The following PRELID2 variants were observed in gnomAD, a reference collection of about 807,000 sequenced individuals.
PRELID2 encodes PRELI domain containing 2, also known as PRELI domain-containing protein 2.
A neutral mutation model predicts 28.4 loss-of-function variants in PRELID2; 25 were observed. The observed-to-expected ratio is 0.88, with a 90% CI of 0.64 to 1.23. The LOEUF is 1.23. PRELID2 is among the 50% of genes most tolerant of loss of function. PRELID2 has a pLI of 0.00. For synonymous variants in PRELID2, 76 were observed against 71.6 expected, an observed-to-expected ratio of 1.06 and a Z score of -0.31; for missense variants, 201 against 214.4, an observed-to-expected ratio of 0.94 and a Z score of 0.39.
chr5:145,690,291 C>A (rs775424783), intron 1 of PRELID2, among the ~76,000 whole-genome samples: 6 of 152,136 alleles, frequency 3.9e-5, no homozygotes, highest in Non-Finnish European at 8.8e-5. Flanking sequence ...CCGCATCTGG[C>A]GAGGGGATCC....
intron 1 of PRELID2, among the ~76,000 whole-genome samples, chr5:145,600,929 A>C (rs1753386876): frequency 6.6e-6 from 1 of 152,218 alleles, no homozygotes; most frequent in Non-Finnish European, 1.5e-5. Context: ...AGGCAGGAGA[A>C]TCACTTGAGC....
intron 1 of PRELID2, among the ~76,000 whole-genome samples, chr5:145,619,911 G>A (rs925780529): frequency 6.6e-6 from 1 of 152,024 alleles, no homozygotes; most frequent in Non-Finnish European, 1.5e-5. Flanking sequence ...ACCACAATGA[G>A]GTTACAACAT....
At chr5:145,470,449 C>G (rs184648704), downstream of PRELID2, among the ~76,000 whole-genome samples, 33 of 147,128 alleles carry the variant, frequency 2.2e-4, no homozygotes, top group East Asian at 6.0e-3. Flanking sequence ...TACTCTGTAA[C>G]CTGCTAAGCC....
intron 1 of PRELID2, among the ~76,000 whole-genome samples, chr5:145,673,018 T>G (rs1327066977): frequency 6.6e-6 from 1 of 152,090 alleles, no homozygotes; most frequent in Admixed American, 6.6e-5. Context: ...GAGGGATGAA[T>G]AAGACAAAAG....
intron 1 of PRELID2, among the ~76,000 whole-genome samples, chr5:145,517,450 A>G (rs1215721956): frequency 1.3e-5 from 2 of 152,232 alleles, no homozygotes; most frequent in African/African-American, 2.4e-5. Context: ...ATACCATCTC[A>G]TGCCAGTTAA....
chr5:145,469,569 G>A (rs745532264), downstream of PRELID2, among the ~76,000 whole-genome samples: 1 of 152,002 alleles, frequency 6.6e-6, no homozygotes, highest in Non-Finnish European at 1.5e-5. Context: ...CATTAAGCTT[G>A]ATGACTCTAT....
chr5:145,296,274 C>T, the PRELID2 span, among the ~76,000 whole-genome samples: 1 of 151,640 alleles, frequency 6.6e-6, no homozygotes, highest in South Asian at 2.1e-4. Context: ...ATGTGCCATG[C>T]TGGTGTGCTG....
At chr5:145,629,785 A>G (rs568582530) in intron 1 of PRELID2, among the ~76,000 whole-genome samples, 1 of 152,138 alleles carries the variant, frequency 6.6e-6, no homozygotes, top group East Asian at 1.9e-4. Context: ...ATCTTGCACC[A>G]TCCTTTTAAA....
intron 1 of PRELID2, among the ~76,000 whole-genome samples, chr5:145,696,181 T>A (rs970304348): frequency 1.8e-4 from 16 of 86,728 alleles, no homozygotes; most frequent in Admixed American, 5.8e-4. Flanking sequence ...TTTTTTTTTT[T>A]ACCAGTGTTG....
chr5:145,594,945 T>C (rs1459956508), intron 1 of PRELID2, among the ~76,000 whole-genome samples: 1 of 151,952 alleles, frequency 6.6e-6, no homozygotes, highest in South Asian at 2.1e-4. Flanking sequence ...CTGGCCAACA[T>C]GGTGAAACCC....
chr5:145,254,013 A>G, the PRELID2 span, among the ~76,000 whole-genome samples: 1 of 152,078 alleles, frequency 6.6e-6, no homozygotes, highest in Non-Finnish European at 1.5e-5. Context: ...ACACACACAC[A>G]CATACACACA....
chr5:145,634,969 C>A (rs979899688), intron 1 of PRELID2, among the ~76,000 whole-genome samples: 1 of 152,166 alleles, frequency 6.6e-6, no homozygotes, highest in Non-Finnish European at 1.5e-5. Flanking sequence ...AGTTAACCAT[C>A]CCCTATTTCC....
the PRELID2 span, among the ~76,000 whole-genome samples, chr5:145,399,568 T>A: frequency 6.6e-6 from 1 of 152,046 alleles, no homozygotes; most frequent in Admixed American, 6.6e-5. Flanking sequence ...AATGGACCAT[T>A]TACCCTCTAT....
At chr5:145,580,550 G>A (rs1271719487) in intron 1 of PRELID2, among the ~76,000 whole-genome samples, 2 of 152,024 alleles carry the variant, frequency 1.3e-5, no homozygotes, top group Non-Finnish European at 2.9e-5. Flanking sequence ...GTTGAGTAGA[G>A]CCATAACACA....
the PRELID2 span, among the ~76,000 whole-genome samples, chr5:145,299,990 TTTTCA>T: frequency 6.6e-6 from 1 of 152,142 alleles, no homozygotes; most frequent in East Asian, 1.9e-4. Flanking sequence ...TTTTTGTCTT[TTTTCA>T]TTTCATTATG....
the PRELID2 span, among the ~76,000 whole-genome samples, chr5:145,366,319 C>T: frequency 6.6e-6 from 1 of 151,874 alleles, no homozygotes; most frequent in East Asian, 1.9e-4. Context: ...GATTTGCATG[C>T]ACGTTTATAC....
At chr5:145,493,021 A>C (rs1489353530) in intron 1 of PRELID2, among the ~76,000 whole-genome samples, 1 of 140,790 alleles carries the variant, frequency 7.1e-6, no homozygotes, top group Non-Finnish European at 1.6e-5. Flanking sequence ...TCTCTCAGCC[A>C]CTATGCTGCT....
the PRELID2 span, among the ~76,000 whole-genome samples, chr5:145,381,984 A>G: frequency 6.6e-6 from 1 of 151,956 alleles, no homozygotes; most frequent in Non-Finnish European, 1.5e-5. Flanking sequence ...TAGCAGAAAA[A>G]ATGACAAAAT....
intron 1 of PRELID2, among the ~76,000 whole-genome samples, chr5:145,628,629 A>C (rs1255373909): frequency 6.6e-6 from 1 of 152,184 alleles, no homozygotes; most frequent in Non-Finnish European, 1.5e-5. Context: ...CAGCTGAGAA[A>C]TGTATTCTTA....
Sources: allele counts gnomAD v4.1 joint callset (sites outside exome capture counted in the v4.1 genomes callset), GRCh38; gene constraint gnomAD v4.1.1; transcripts MANE v1.5; gene names NCBI Gene and HGNC (gene_info 2026-07-23, HGNC 2026-07-21).